The following KALRN variants were observed in gnomAD, a reference collection of about 807,000 sequenced individuals.
KALRN encodes kalirin RhoGEF kinase.
KALRN carries 70 observed loss-of-function variants against 353.7 expected under a neutral mutation model. The observed-to-expected ratio is 0.20, with a 90% CI of 0.16 to 0.24. The LOEUF (loss-of-function observed/expected upper bound fraction) is 0.24. KALRN is among the 10% of genes least tolerant of loss of function. The probability of loss-of-function intolerance (pLI) is 1.00; values close to 1 mark genes in which losing one functional copy is unlikely to be tolerated. For missense variants in KALRN, 2,791 were observed against 3,756.7 expected (o/e 0.74, Z 6.72); for synonymous variants, 1,391 against 1,434.8 (o/e 0.97, Z 0.69).
intron 14 of KALRN, among the ~76,000 whole-genome samples, chr3:124,417,770 T>C (rs1560872472): frequency 2.0e-5 from 3 of 152,172 alleles, no homozygotes; most frequent in Admixed American, 6.5e-5. Flanking sequence ...CTCTGAAAAG[T>C]AGTGATCATC....
At chr3:124,620,377 T>A (rs143428021) in intron 34 of KALRN, among the ~76,000 whole-genome samples, 11 of 152,320 alleles carry the variant, frequency 7.2e-5, no homozygotes, top group African/African-American at 2.6e-4. Flanking sequence ...GTGCTGGGAT[T>A]ATAGGCATGA....
At chr3:124,355,039 T>C (rs2083236860) in intron 10 of KALRN, among the ~76,000 whole-genome samples, 1 of 152,086 alleles carries the variant, frequency 6.6e-6, no homozygotes, top group African/African-American at 2.4e-5. Flanking sequence ...ATAGTGGGAG[T>C]CCTCAAGCTC....
In KALRN at chr3:124,720,191, T is replaced by G. The variant is rs1454173819; in HGVS notation, c.*721T>G. 6.6e-6 allele frequency: 1 copy of G among 152,526 alleles called. No individual in the cohort carries two copies. The highest frequency in any genetic ancestry group is 1.5e-5 in the Non-Finnish European group (1 of 68,018). The allele number at this position is 152,526 out of a possible 1,614,324, so 9.4% of individuals were successfully genotyped here. ...ATGTTGCCCTTTTGAATGAGAAAAT[T>G]TTTTCTGTCAATCGCAGGTTATTTG... On this transcript the variant is annotated 3_prime_UTR_variant, in exon 60 of 60. Coordinates refer to ENST00000682506, the MANE Select transcript of KALRN (RefSeq NM_001388419.1).
intron 51 of KALRN, among the ~76,000 whole-genome samples, chr3:124,691,731 C>G (rs1202998874): frequency 6.6e-6 from 1 of 152,170 alleles, no homozygotes; most frequent in Non-Finnish European, 1.5e-5. Flanking sequence ...TGTCAAATGA[C>G]TGACTGGGAT....
chr3:124,312,420 C>T (rs2078363768), intron 6 of KALRN, among the ~76,000 whole-genome samples: 1 of 152,160 alleles, frequency 6.6e-6, no homozygotes, highest in African/African-American at 2.4e-5. Context: ...CTTGGCCTCC[C>T]AAAATGCTGG....
intron 27 of KALRN, among the ~76,000 whole-genome samples, 154 bp downstream of exon 27, chr3:124,477,488 A>G (rs1409894678): frequency 6.6e-6 from 1 of 152,196 alleles, no homozygotes; most frequent in African/African-American, 2.4e-5. Flanking sequence ...CAAAAACAGT[A>G]TATGTCTGTA....
intron 51 of KALRN, among the ~76,000 whole-genome samples, chr3:124,688,825 A>G (rs1329222251): frequency 1.3e-5 from 2 of 152,202 alleles, no homozygotes; most frequent in Non-Finnish European, 2.9e-5. Context: ...AGACGCCAAG[A>G]TTTCCTCAAA....
intron 33 of KALRN, among the ~76,000 whole-genome samples, chr3:124,532,936 T>C (rs1408911540): frequency 6.9e-6 from 1 of 144,882 alleles, no homozygotes; most frequent in African/African-American, 2.6e-5. Context: ...ATGACTTTTA[T>C]GGGAAAAAAA....
At chr3:124,686,521 G>A (rs2061564445) in intron 51 of KALRN, among the ~76,000 whole-genome samples, 1 of 152,140 alleles carries the variant, frequency 6.6e-6, no homozygotes, top group African/African-American at 2.4e-5. Context: ...AGGGTGAGGA[G>A]AGAGCATGAA....
intron 44 of KALRN, among the ~76,000 whole-genome samples, chr3:124,661,589 A>T (rs1319886446): frequency 6.6e-6 from 1 of 152,226 alleles, no homozygotes; most frequent in Non-Finnish European, 1.5e-5. Context: ...AAAAACAGGA[A>T]GGTAGGGAAA....
intron 10 of KALRN, 71 bp from the exon 11 acceptor site, chr3:124,384,774 G>A (rs971355899): frequency 2.1e-6 from 3 of 1,440,202 alleles, no homozygotes; most frequent in Admixed American, 2.0e-5. Context: ...CTTCAGCTCC[G>A]GGGAGCCCCA....
At chr3:124,623,428 A>ACACACACACAC (rs1554055226) in intron 34 of KALRN, among the ~76,000 whole-genome samples, 3 of 122,722 alleles carry the variant, frequency 2.4e-5, no homozygotes, top group South Asian at 2.7e-4. Flanking sequence ...ACACACACAC[A>ACACACACACAC]AAAGGGAGTT....
intron 11 of KALRN, among the ~76,000 whole-genome samples, chr3:124,393,864 A>G (rs1292247411): frequency 6.6e-6 from 1 of 152,180 alleles, no homozygotes; most frequent in South Asian, 2.1e-4. Flanking sequence ...GGGCTTCTCT[A>G]TCTAAGGAAC....
intron 10 of KALRN, among the ~76,000 whole-genome samples, chr3:124,348,688 G>C (rs2082526446): frequency 6.6e-6 from 1 of 152,100 alleles, no homozygotes; most frequent in Non-Finnish European, 1.5e-5. Context: ...TCCACTTCAG[G>C]CTGTCTCCCT....
intron 1 of KALRN, among the ~76,000 whole-genome samples, chr3:124,110,786 C>T (rs2062886508): frequency 6.6e-6 from 1 of 152,172 alleles, no homozygotes. Flanking sequence ...TTCTAGGCTA[C>T]CTTTATCTTG....
intron 1 of KALRN, among the ~76,000 whole-genome samples, chr3:124,092,762 T>C (rs2061195953): frequency 6.6e-6 from 1 of 152,258 alleles, no homozygotes; most frequent in African/African-American, 2.4e-5. Flanking sequence ...ACATGGATTT[T>C]CTCTTCTGTA....
intron 1 of KALRN, among the ~76,000 whole-genome samples, chr3:124,170,769 G>A (rs2071641317): frequency 6.8e-6 from 1 of 148,068 alleles, no homozygotes. Flanking sequence ...GAGTCTCAGG[G>A]CACAAACAAC....
intron 1 of KALRN, among the ~76,000 whole-genome samples, chr3:124,053,628 A>G (rs185112730): frequency 6.6e-6 from 1 of 152,290 alleles, no homozygotes; most frequent in East Asian, 1.9e-4. Context: ...TTAAAAAAAA[A>G]CCCAGAGTGA....
intron 1 of KALRN, among the ~76,000 whole-genome samples, chr3:124,038,546 A>G (rs1192789735): frequency 6.6e-6 from 1 of 152,208 alleles, no homozygotes; most frequent in Non-Finnish European, 1.5e-5. Context: ...TAGGTTCCCT[A>G]ACAAAAGTAA....
Sources: allele counts gnomAD v4.1 joint callset (sites outside exome capture counted in the v4.1 genomes callset), GRCh38; gene constraint gnomAD v4.1.1; transcripts MANE v1.5; gene names NCBI Gene and HGNC (gene_info 2026-07-23, HGNC 2026-07-21).